Variants in TFEC observed in about 807,000 individuals in gnomAD.
TFEC encodes class E basic helix-loop-helix protein 34.
A neutral mutation model predicts 41.6 loss-of-function variants in TFEC; 31 were observed. The observed-to-expected ratio is 0.74, with a 90% CI of 0.56 to 1.01. The LOEUF is 1.01. Among genes scored for constraint, TFEC ranks in the 50% least tolerant of loss-of-function variants. The pLI is 0.00. For missense variants in TFEC, 402 were observed against 404.1 expected, an observed-to-expected ratio of 0.99 and a Z score of 0.04; for synonymous variants, 143 against 140.6, an observed-to-expected ratio of 1.02 and a Z score of -0.12.
rs150307294 is a variant in TFEC at position 116,036,384 on chromosome 7, A to G, written c.199-51871T>C. Reference sequence around the variant, plus strand: ...TTCCCAAGTTGCAAATGGGCAAAGTAGTTCATATCATGCAGAAAGCAGCTC... The same window carrying G: ...TTCCCAAGTTGCAAATGGGCAAAGTGGTTCATATCATGCAGAAAGCAGCTC... On this transcript the variant is annotated intron_variant, in intron 3 of 8. Transcript: ENST00000484212. Among the ~76,000 whole-genome samples, 86 of 152,206 alleles carry G rather than the reference A, an allele frequency of 5.7e-4. 1 individual carries two copies. Among genetic ancestry groups the G allele is most frequent in the Middle Eastern group, 3.4e-3 (1 of 294 alleles).
intron 1 of TFEC, among the ~76,000 whole-genome samples, chr7:116,007,628 G>GT (rs1359896251): frequency 6.6e-6 from 1 of 152,104 alleles, no homozygotes; most frequent in African/African-American, 2.4e-5. Flanking sequence ...CTTAGTTCTT[G>GT]TATGTGTTTC....
intron 3 of TFEC, among the ~76,000 whole-genome samples, chr7:116,072,238 CA>C (rs1441210575): frequency 1.7e-4 from 25 of 151,138 alleles, no homozygotes; most frequent in African/African-American, 5.8e-4. Context: ...ATGCTATCTA[CA>C]AATAGAGATA....
intron 6 of TFEC, among the ~76,000 whole-genome samples, chr7:115,942,762 C>T (rs1478779433): frequency 6.6e-6 from 1 of 151,948 alleles, no homozygotes; most frequent in African/African-American, 2.4e-5. Flanking sequence ...TTAAAACTTA[C>T]TTTTAAGACA....
At chr7:116,114,270 A>C (rs1487620591) in intron 1 of TFEC, among the ~76,000 whole-genome samples, 1 of 152,010 alleles carries the variant, frequency 6.6e-6, no homozygotes, top group South Asian at 2.1e-4. Flanking sequence ...ATTTAAATGG[A>C]TATCAGGTAG....
Position 116,067,347 on chromosome 7 carries a change from C to T in TFEC, c.198+43361G>A, listed in dbSNP as rs1272006057. ...CACTAATTTGAGAATATCTGCAATGCCTCTGATTTCAGTGAAAACATAATG... is the reference window on the plus strand; with the variant it reads ...CACTAATTTGAGAATATCTGCAATGTCTCTGATTTCAGTGAAAACATAATG... On this transcript the variant is annotated intron_variant, in intron 3 of 8. Coordinates refer to the TFEC transcript ENST00000484212. Among the ~76,000 whole-genome samples, 4 of 151,994 alleles carry T rather than the reference C, an allele frequency of 2.6e-5. No individual in the cohort carries two copies. The South Asian group carries it at 8.3e-4, about 31-fold the overall frequency.
intron 1 of TFEC, among the ~76,000 whole-genome samples, chr7:116,151,238 ATTTT>A (rs5886809): frequency 6.3e-4 from 76 of 120,126 alleles, no homozygotes; most frequent in Middle Eastern, 4.2e-3. Flanking sequence ...ATTATGTCAG[ATTTT>A]TTTTTTTTTT....
rs192817778 is a variant in TFEC at position 116,064,974 on chromosome 7, A to G, written c.198+45734T>C. On this transcript the variant is annotated intron_variant, in intron 3 of 8. Coordinates refer to the TFEC transcript ENST00000484212. ...ATTGTCTAAAGAAAATAATCAAGAT[A>G]TTCTATGAGTTAGACACAAGACACA... 5.4e-3 allele frequency among the ~76,000 whole-genome samples: 815 copies of G among 152,292 alleles called. 2 individuals are homozygous for G. The highest frequency in any genetic ancestry group is 8.2e-3 in the Non-Finnish European group (556 of 68,028).
intron 1 of TFEC, among the ~76,000 whole-genome samples, chr7:116,155,899 T>A (rs1203471355): frequency 6.6e-6 from 1 of 152,210 alleles, no homozygotes; most frequent in Non-Finnish European, 1.5e-5. Context: ...CCAATATGGC[T>A]CAGCACAGCA....
In TFEC at chr7:115,951,824, T is replaced by A. The variant is rs1031465526; in HGVS notation, c.440-875A>T. The stretch of plus-strand genomic sequence containing the variant: ...ATTGCTTATGGCAATTTTCTGAACA[T>A]CGTAAATGTTCAACATACAATATAT... On this transcript the variant is annotated intron_variant, in intron 5 of 7. Transcript: ENST00000265440. Among the ~76,000 whole-genome samples, 5 of 152,030 alleles carry A rather than the reference T, an allele frequency of 3.3e-5. No individual in the cohort carries two copies. The East Asian group carries it at 7.8e-4, about 24-fold the overall frequency.
intron 1 of TFEC, among the ~76,000 whole-genome samples, chr7:116,013,526 C>T (rs1382308495): frequency 6.6e-6 from 1 of 152,122 alleles, no homozygotes; most frequent in South Asian, 2.1e-4. Flanking sequence ...ATGAGGTGAG[C>T]ATTCCAGTGA....
At chr7:116,093,090 G>A (rs1261639565) in intron 3 of TFEC, among the ~76,000 whole-genome samples, 2 of 152,076 alleles carry the variant, frequency 1.3e-5, no homozygotes, top group Admixed American at 1.3e-4. Flanking sequence ...AGTACCTATT[G>A]AGTTAATACA....
chr7:116,000,161 C>A (rs1794532285), intron 1 of TFEC, among the ~76,000 whole-genome samples: 1 of 152,028 alleles, frequency 6.6e-6, no homozygotes, highest in Non-Finnish European at 1.5e-5. Flanking sequence ...GATGGTCAGA[C>A]ATATGCAAAA....
chr7:116,155,414 C>T (rs1031826347), intron 1 of TFEC, among the ~76,000 whole-genome samples: 9 of 152,158 alleles, frequency 5.9e-5, no homozygotes, highest in Non-Finnish European at 1.3e-4. Flanking sequence ...ATTTCCACGT[C>T]GTACTTCTTA....
chr7:116,106,263 G>A (rs1447744618), intron 3 of TFEC, among the ~76,000 whole-genome samples: 1 of 152,170 alleles, frequency 6.6e-6, no homozygotes, highest in Non-Finnish European at 1.5e-5. Flanking sequence ...AAGTTTCACA[G>A]CATTTAAAAG....
chr7:116,086,907 G>A (rs1172305263), intron 3 of TFEC, among the ~76,000 whole-genome samples: 1 of 151,724 alleles, frequency 6.6e-6, no homozygotes, highest in African/African-American at 2.4e-5. Flanking sequence ...ATTCCCTACT[G>A]GAACTATGGA....
intron 3 of TFEC, among the ~76,000 whole-genome samples, chr7:116,101,214 A>G (rs1018301644): frequency 1.4e-5 from 2 of 139,270 alleles, no homozygotes; most frequent in Non-Finnish European, 3.1e-5. Context: ...AAGAAAAAGG[A>G]AAAAACTAGG....
chr7:116,121,519 T>A (rs983052532), intron 1 of TFEC: 1 of 152,002 alleles, frequency 6.6e-6, no homozygotes, highest in Non-Finnish European at 1.5e-5. Flanking sequence ...GTACTGGAAG[T>A]CCTTAAATTG....
At chr7:116,095,284 A>G (rs1797424607) in intron 3 of TFEC, among the ~76,000 whole-genome samples, 2 of 152,184 alleles carry the variant, frequency 1.3e-5, no homozygotes, top group South Asian at 4.1e-4. Flanking sequence ...TTGAAAACAT[A>G]AAGCACTTCT....
chr7:116,026,969 G>A (rs528864645), intron 1 of TFEC, among the ~76,000 whole-genome samples: 1 of 152,288 alleles, frequency 6.6e-6, no homozygotes, highest in Admixed American at 6.5e-5. Flanking sequence ...TGTTAATTAA[G>A]AAGAAGCCTA....
Sources: gnomAD v4.1 joint callset for allele counts (sites outside exome capture counted in the v4.1 genomes callset) on GRCh38, gnomAD v4.1.1 for gene constraint, MANE v1.5 for transcripts, NCBI Gene and HGNC (gene_info 2026-07-23, HGNC 2026-07-21) for gene names.